Variants in KMT2C observed in about 807,000 individuals in gnomAD.
The protein encoded by KMT2C is histone-lysine N-methyltransferase 2C.
Under a neutral mutation model 507.9 loss-of-function variants are expected in KMT2C, and 88 were observed. The observed-to-expected ratio is 0.17, with a 90% CI of 0.15 to 0.21. The LOEUF (loss-of-function observed/expected upper bound fraction) is 0.21. Among genes scored for constraint, KMT2C ranks in the 10% least tolerant of loss-of-function variants. The probability of loss-of-function intolerance (pLI) is 1.00; values close to 1 mark genes in which losing one functional copy is unlikely to be tolerated. For missense variants in KMT2C, 4,954 were observed against 5,957.8 expected, an observed-to-expected ratio of 0.83 and a Z score of 5.55; for synonymous variants, 2,049 against 2,080.8, an observed-to-expected ratio of 0.98 and a Z score of 0.42.
chr7:152,378,408 T>C (rs1589580626), intron 1 of KMT2C, among the ~76,000 whole-genome samples: 2 of 152,240 alleles, frequency 1.3e-5, no homozygotes, highest in East Asian at 3.8e-4. Flanking sequence ...AATCTTACAA[T>C]TTACTGAAAG....
At chr7:152,371,204 G>T (rs2097290890) in intron 1 of KMT2C, among the ~76,000 whole-genome samples, 1 of 152,060 alleles carries the variant, frequency 6.6e-6, no homozygotes, top group South Asian at 2.1e-4. Context: ...CAACAATTTG[G>T]TAATGGATAC....
intron 3 of KMT2C, among the ~76,000 whole-genome samples, chr7:152,317,860 G>C (rs975750927): frequency 1.3e-5 from 2 of 152,178 alleles, no homozygotes; most frequent in African/African-American, 4.8e-5. Context: ...AGAAAAAGAG[G>C]ATGGGCATGG....
rs1183345172 is a variant in KMT2C at position 152,249,673 on chromosome 7, C to CAAAAAAAAAA, written c.1813+193_1813+202dup. Among the ~76,000 whole-genome samples, 117 of 34,510 alleles carry CAAAAAAAAAA rather than the reference C, an allele frequency of 3.4e-3. 2 individuals carry two copies. Among genetic ancestry groups the CAAAAAAAAAA allele is most frequent in the African/African-American group, 6.7e-3 (100 of 15,026 alleles). 22.6% of individuals were successfully genotyped at this position (34,510 alleles called of 152,430 possible). A position where few individuals can be genotyped will look rare whatever the true frequency, so the allele number is the denominator to read the frequency against. ...ATTTTTAATCATGACCTCCCCCCTCCAAAAAAAAAAAAAAAAAAAAAAAAA... is the reference window on the plus strand; with the variant it reads ...ATTTTTAATCATGACCTCCCCCCTCCAAAAAAAAAAAAAAAAAAAAAAAAAAAAAAAAAAA... On this transcript the variant is annotated intron_variant, in intron 13 of 58. Transcript: ENST00000262189.
At chr7:152,193,964 C>T in intron 31 of KMT2C, 45 bp downstream of exon 31, 4 of 1,478,510 alleles carry the variant, frequency 2.7e-6, no homozygotes, top group Non-Finnish European at 3.6e-6. Context: ...CACATATATA[C>T]ACATGTGTGT....
At chr7:152,217,461 C>A (rs1302232084) in intron 23 of KMT2C, among the ~76,000 whole-genome samples, 1 of 152,120 alleles carries the variant, frequency 6.6e-6, no homozygotes, top group African/African-American at 2.4e-5. Context: ...TAGGAATGTA[C>A]CTTTCCTTCT....
chr7:152,196,210 C>A (rs547946079), intron 27 of KMT2C, among the ~76,000 whole-genome samples, 199 bp from the exon 28 acceptor site: 12 of 152,038 alleles, frequency 7.9e-5, no homozygotes, highest in African/African-American at 2.9e-4. Flanking sequence ...AAAATTCAGA[C>A]GATTTTGTCT....
chr7:152,215,688 T>TATATATATATATATATACACACACACAC (rs766518165), intron 23 of KMT2C, among the ~76,000 whole-genome samples: 3 of 134,496 alleles, frequency 2.2e-5, no homozygotes, highest in African/African-American at 1.0e-4. Flanking sequence ...TATATATATA[T>TATATATATATATATATACACACACACAC]ACACACACAC....
intron 40 of KMT2C, among the ~76,000 whole-genome samples, 169 bp from the exon 41 acceptor site, chr7:152,169,418 A>T (rs2092864389): frequency 6.6e-6 from 1 of 152,226 alleles, no homozygotes; most frequent in Non-Finnish European, 1.5e-5. Context: ...TAGTGGTGGC[A>T]ACCTAATTCT....
intron 50 of KMT2C, 74 bp downstream of exon 50, chr7:152,151,368 T>A: frequency 6.8e-7 from 1 of 1,467,492 alleles, no homozygotes; most frequent in Non-Finnish European, 9.4e-7. Context: ...CTCTCTCTGA[T>A]GTTGGAAGAG....
At chr7:152,145,031 T>C (rs1352093170) in intron 54 of KMT2C, 122 bp downstream of exon 54, 14 of 1,390,216 alleles carry the variant, frequency 1.0e-5, no homozygotes, top group South Asian at 5.5e-5. Context: ...AGTTCTCTTA[T>C]GTAGTTGGGC....
intron 6 of KMT2C, among the ~76,000 whole-genome samples, chr7:152,308,502 C>T (rs1003051942): frequency 6.6e-6 from 1 of 151,266 alleles, no homozygotes; most frequent in Non-Finnish European, 1.5e-5. Flanking sequence ...GTAGTGAAAC[C>T]ACATCTCTAC....
intron 1 of KMT2C, among the ~76,000 whole-genome samples, chr7:152,394,317 G>T (rs1384704241): frequency 6.6e-6 from 1 of 152,296 alleles, no homozygotes; most frequent in Admixed American, 6.5e-5. Context: ...TCTCACAATG[G>T]TCTACAAGGC....
rs1031673626 is a variant in KMT2C at position 152,270,552 on chromosome 7, A to C, written c.1012+3153T>G. ...TCTACTACCCACCTAGTAGGCTACT[A>C]TGCTCCAAGTAAAATGACATGCTGC... On this transcript the variant is annotated intron_variant, in intron 7 of 58. Coordinates refer to ENST00000262189, the MANE Select transcript of KMT2C (RefSeq NM_170606.3). Among the ~76,000 whole-genome samples the C allele has an allele frequency of 2.1e-4, 32 of 152,130 alleles. 1 individual carries two copies. The highest frequency in any genetic ancestry group is 6.5e-5 in the Admixed American group (1 of 15,282).
In KMT2C at chr7:152,235,207, G is replaced by GTATGTATATATATA. The variant is rs950086494; in HGVS notation, c.2769+609_2769+610insTATATATATACATA. On this transcript the variant is annotated intron_variant, in intron 16 of 58. Transcript: ENST00000262189. The stretch of plus-strand genomic sequence containing the variant: ...TGATTGTGGTATCGTTTTCAAGGGT[G>GTATGTATATATATA]TATATATATATATATATCAAAGCTT... Among the ~76,000 whole-genome samples the GTATGTATATATATA allele has an allele frequency of 7.6e-4, 108 of 142,500 alleles. 2 individuals carry two copies. The highest frequency in any genetic ancestry group is 2.7e-3 in the African/African-American group (98 of 36,704). 93.5% of individuals were successfully genotyped at this position (142,500 alleles called of 152,430 possible). A position where few individuals can be genotyped will look rare whatever the true frequency, so the allele number is the denominator to read the frequency against.
Position 152,176,875 on chromosome 7 carries a change from A to C in KMT2C, c.8578T>G (p.Ser2860Ala), listed in dbSNP as rs142260300. The stretch of plus-strand genomic sequence containing the variant: ...GTCTTTTCTCCATCATTTAGGTCTG[A>C]GTGAGCAGAAGCCTGTGAGCAAGGA... ...DTPCSQASAH[S>A]DLNDGEKTSL... is the part of the protein sequence containing the mutation. The change falls in exon 38 of 59, where the codon TCA becomes GCA. Residue 2860 changes from serine (S) to alanine (A), a missense_variant. This residue lies in a region of KMT2C where 1,689 missense variants were observed against 1,654.3 expected (regional missense o/e 1.02). Transcript: ENST00000262189. 40 of 1,614,088 alleles carry C rather than the reference A, an allele frequency of 2.5e-5. No homozygotes were observed. The highest frequency in any genetic ancestry group is 3.4e-5 in the Non-Finnish European group (40 of 1,180,032).
At chr7:152,371,797 A>T (rs6978172) in intron 1 of KMT2C, among the ~76,000 whole-genome samples, 7,356 of 152,000 alleles carry the variant, frequency 0.048, 624 homozygotes, top group African/African-American at 0.17. Flanking sequence ...TATTTTTAGT[A>T]GACATGGAAT....
rs1228265475 is a variant in KMT2C at position 152,177,677 on chromosome 7, G to A, written c.7776C>T (p.Asn2592=). 1.2e-6 allele frequency: 2 copies of A among 1,614,032 alleles called. No individual in the cohort carries two copies. The highest frequency in any genetic ancestry group is 1.3e-5 in the African/African-American group (1 of 74,912). ...VEASSNLRHG[N]FIPRPDFPGP... ...CCGGAAAGTCTGGCCGGGGAATGAA[G>A]TTTCCATGTCTCAGATTAGAAGATG... The change falls in exon 38 of 59, where the codon AAC becomes AAT. Residue 2592 remains asparagine (N), a synonymous_variant. Transcript: ENST00000262189.
chr7:152,422,284 TAAA>T (rs11423616), intron 1 of KMT2C, among the ~76,000 whole-genome samples: 6 of 97,380 alleles, frequency 6.2e-5, no homozygotes, highest in Admixed American at 2.2e-4. Context: ...CAGTCTCTAC[TAAA>T]AAAAAAAAAA....
chr7:152,396,786 GT>G (rs1440342982), intron 1 of KMT2C, among the ~76,000 whole-genome samples: 7 of 152,216 alleles, frequency 4.6e-5, no homozygotes, highest in Non-Finnish European at 8.8e-5. Flanking sequence ...GGCATACTCT[GT>G]TGGGGGAATC....
Sources: gnomAD v4.1 joint callset for allele counts (sites outside exome capture counted in the v4.1 genomes callset) on GRCh38, gnomAD v4.1.1 for gene constraint, gnomAD v4.1.1 regional missense constraint, MANE v1.5 for transcripts, NCBI Gene and HGNC (gene_info 2026-07-23, HGNC 2026-07-21) for gene names.